Variants in RUFY3 observed in about 807,000 individuals in gnomAD.
RUFY3 encodes protein RUFY3.
A neutral mutation model predicts 84.0 loss-of-function variants in RUFY3; 34 were observed. The observed-to-expected ratio is 0.40, with a 90% CI of 0.31 to 0.54. The LOEUF is 0.54. RUFY3 is among the 20% of genes least tolerant of loss of function. The pLI, the probability that RUFY3 is intolerant of heterozygous loss-of-function variation, is 0.39. For missense variants in RUFY3, 507 were observed against 736.8 expected (o/e 0.69, Z 3.61); for synonymous variants, 242 against 252.9 (o/e 0.96, Z 0.41).
intron 14 of RUFY3, among the ~76,000 whole-genome samples, chr4:70,797,407 C>T (rs534814358): frequency 6.6e-6 from 1 of 152,030 alleles, no homozygotes; most frequent in East Asian, 1.9e-4. Flanking sequence ...TTTTTGAATA[C>T]CTCTAGTATA....
intron 10 of RUFY3, among the ~76,000 whole-genome samples, chr4:70,787,191 TA>T (rs1730005991): frequency 2.0e-5 from 2 of 99,962 alleles, no homozygotes; most frequent in African/African-American, 9.2e-5. Flanking sequence ...AAAAAAAATA[TA>T]TATATATATA....
At chr4:70,767,241 A>G (rs1396088404) in intron 4 of RUFY3, among the ~76,000 whole-genome samples, 1 of 141,708 alleles carries the variant, frequency 7.1e-6, no homozygotes, top group Non-Finnish European at 1.5e-5. Flanking sequence ...GTGTGCCACC[A>G]TGCCCGGCTA....
In RUFY3 at chr4:70,706,113, A is replaced by G. The variant is rs534221115; in HGVS notation, c.358+819A>G. On this transcript the variant is annotated intron_variant, in intron 1 of 11. Coordinates refer to the RUFY3 transcript ENST00000417478. ...AACGAGTAGGGCCCTAGAGTCGTCAATGAATATAAGGACTCTTAGAGGAAT... is the reference window on the plus strand; with the variant it reads ...AACGAGTAGGGCCCTAGAGTCGTCAGTGAATATAAGGACTCTTAGAGGAAT... 1.2e-4 allele frequency among the ~76,000 whole-genome samples: 18 copies of G among 152,330 alleles called. No individual in the cohort carries two copies. In the South Asian group the frequency reaches 3.3e-3, roughly 28 times the overall value.
chr4:70,793,999 G>T (rs1731200390), intron 13 of RUFY3, 95 bp downstream of exon 13: 5 of 1,417,870 alleles, frequency 3.5e-6, no homozygotes, highest in African/African-American at 1.4e-5. Context: ...AGCCAGGTTG[G>T]CTCTGTCTTT....
intron 1 of RUFY3, among the ~76,000 whole-genome samples, chr4:70,747,804 C>T (rs894187712): frequency 1.3e-5 from 2 of 152,140 alleles, no homozygotes; most frequent in Admixed American, 1.3e-4. Context: ...TGCTTGAGCC[C>T]ATGAGTCCAA....
intron 1 of RUFY3, among the ~76,000 whole-genome samples, chr4:70,725,175 G>A (rs913700868): frequency 1.4e-4 from 22 of 152,148 alleles, no homozygotes; most frequent in African/African-American, 5.1e-4. Flanking sequence ...TAAAACCAGA[G>A]TTCCTGGCCC....
chr4:70,772,150 T>C (rs1217761676), intron 5 of RUFY3, among the ~76,000 whole-genome samples: 1 of 150,580 alleles, frequency 6.6e-6, no homozygotes, highest in Non-Finnish European at 1.5e-5. Flanking sequence ...ATATTGTGTA[T>C]ATATATAGTA....
At chr4:70,804,637 G>T (rs1040942071) in intron 17 of RUFY3, among the ~76,000 whole-genome samples, 1 of 151,652 alleles carries the variant, frequency 6.6e-6, no homozygotes, top group African/African-American at 2.4e-5. Flanking sequence ...AACATAAATA[G>T]CCAGGCGCGG....
intron 9 of RUFY3, 30 bp downstream of exon 9, chr4:70,783,213 A>G (rs1035339737): frequency 7.3e-7 from 1 of 1,376,108 alleles, no homozygotes. Context: ...TAAAATATTC[A>G]CTGAGAGCAT....
At position 70,800,167 on chromosome 4, in the gene RUFY3, A is replaced by G. The variant is rs1451809914; in HGVS notation, c.1584A>G (p.Glu528=). Residue 528 remains glutamate, a synonymous_variant, in exon 15 of 18, where the codon GAA becomes GAG. Coordinates refer to ENST00000381006, the MANE Select transcript of RUFY3 (RefSeq NM_001037442.4). ...KMDGKHKMQE[E]NVKLKKPLEE... Reference sequence around the variant, plus strand: ...ATGGGAAGCACAAAATGCAAGAGGAAAATGTTAAACTAAAAAAGCCCCTGG... The same window carrying G: ...ATGGGAAGCACAAAATGCAAGAGGAGAATGTTAAACTAAAAAAGCCCCTGG... 6.2e-7 allele frequency: 1 copy of G among 1,607,668 alleles called. No homozygotes were observed. The highest frequency in any genetic ancestry group is 2.2e-5 in the East Asian group (1 of 44,794).
chr4:70,704,520 A>AC, upstream of RUFY3: 1 of 158,760 alleles, frequency 6.3e-6, no homozygotes, highest in South Asian at 2.0e-4. Context: ...GACACACCTG[A>AC]CCGCCTTACA....
At position 70,749,590 on chromosome 4, in the gene RUFY3, C is replaced by G. The variant is rs142442151; in HGVS notation, c.179-12929C>G. 1.2e-3 allele frequency among the ~76,000 whole-genome samples: 175 copies of G among 148,488 alleles called. 1 individual carries two copies. The highest frequency in any genetic ancestry group is 4.1e-3 in the African/African-American group (167 of 40,348). On this transcript the variant is annotated intron_variant, in intron 1 of 17. Coordinates refer to ENST00000381006, the MANE Select transcript of RUFY3 (RefSeq NM_001037442.4). Reference sequence around the variant, plus strand: ...ACACTAGTTTCTTCTTACCTTCTTACAGGAGGCCAGCAGCTAAACCTTGAC... The same window carrying G: ...ACACTAGTTTCTTCTTACCTTCTTAGAGGAGGCCAGCAGCTAAACCTTGAC...
In RUFY3 at chr4:70,793,784, G is replaced by C. The variant is rs1419101335; in HGVS notation, c.1338-1G>C. 6 of 1,613,996 alleles carry C rather than the reference G, an allele frequency of 3.7e-6. No individual in the cohort carries two copies. Among genetic ancestry groups the C allele is most frequent in the Non-Finnish European group, 5.1e-6 (6 of 1,179,950 alleles). On this transcript the variant is annotated splice_acceptor_variant, in intron 12 of 17. Transcript: ENST00000381006. LOFTEE classifies it high-confidence loss of function. ...CACAAGTTCATGTGGCTCACATCCA[G>C]ATTGCGCCAGGCTGAGCGAAGCCGC...
At chr4:70,732,128 C>T (rs1719374743) in intron 1 of RUFY3, among the ~76,000 whole-genome samples, 1 of 152,092 alleles carries the variant, frequency 6.6e-6, no homozygotes, top group South Asian at 2.1e-4. Flanking sequence ...GGTAATGGAC[C>T]CCTGACTCCC....
At position 70,789,101 on chromosome 4, in the gene RUFY3, C is replaced by T. The variant is rs944232150; in HGVS notation, c.1239+128C>T. ...GAATCACATCTCATTTTGATGCTAG[C>T]TGCCAGTAAACTACTTTCAGAATCA... On this transcript the variant is annotated intron_variant, in intron 11 of 17. Transcript: ENST00000381006. 84 of 1,430,036 alleles carry T rather than the reference C, an allele frequency of 5.9e-5. No individual in the cohort carries two copies. The South Asian group carries it at 9.6e-4, about 16-fold the overall frequency. The allele number at this position is 1,430,036 out of a possible 1,614,324, so 88.6% of individuals were successfully genotyped here.
chr4:70,756,648 T>C (rs1724067380), intron 1 of RUFY3, among the ~76,000 whole-genome samples: 2 of 152,186 alleles, frequency 1.3e-5, no homozygotes, highest in African/African-American at 4.8e-5. Context: ...TCCTTTAAGA[T>C]TGAACTCAAA....
chr4:70,763,795 A>G, intron 3 of RUFY3, 126 bp downstream of exon 3: 2 of 1,165,966 alleles, frequency 1.7e-6, no homozygotes, highest in Admixed American at 2.4e-5. Context: ...GCATGATGTC[A>G]TGAATAGGTG....
chr4:70,727,823 C>T (rs1718534499), intron 1 of RUFY3, among the ~76,000 whole-genome samples: 1 of 151,532 alleles, frequency 6.6e-6, no homozygotes, highest in Admixed American at 6.6e-5. Context: ...AAGAAATTCA[C>T]CAATACATGT....
chr4:70,722,680 A>T lies in RUFY3; in HGVS notation c.107A>T (p.Asp36Val). Residue 36 changes from aspartate to valine, a missense_variant, in exon 1 of 18, where the codon GAT (aspartate) becomes GTT (valine). Asp to Val is a radical substitution (Grantham distance 152, BLOSUM62 -3). Around this residue, in one of 4 missense-constraint regions of RUFY3, gnomAD observed 133 missense variants for 301.1 expected, o/e 0.44. Coordinates refer to ENST00000381006, the MANE Select transcript of RUFY3 (RefSeq NM_001037442.4). ...IYLCKFRVSM[D>V]GEWLCLRELD... ...CTTTGCAAATTCCGAGTGTCCATGG[A>T]TGGAGAATGGCTCTGCCTGCGAGAG... 2 of 1,614,100 alleles carry T rather than the reference A, an allele frequency of 1.2e-6. No individual in the cohort carries two copies. Among genetic ancestry groups the T allele is most frequent in the Non-Finnish European group, 1.7e-6 (2 of 1,180,016 alleles).
Sources: gnomAD v4.1 joint callset for allele counts (sites outside exome capture counted in the v4.1 genomes callset) on GRCh38, gnomAD v4.1.1 for gene constraint, gnomAD v4.1.1 regional missense constraint, MANE v1.5 for transcripts, NCBI Gene and HGNC (gene_info 2026-07-23, HGNC 2026-07-21) for gene names.